Variants in ADGRV1 observed in about 807,000 individuals in gnomAD.
ADGRV1 encodes the protein G-protein coupled receptor 98.
A neutral mutation model predicts 596.2 loss-of-function variants in ADGRV1; 359 were observed. The observed-to-expected ratio is 0.60, with a 90% CI of 0.55 to 0.66. The LOEUF is 0.66. ADGRV1 is among the 30% of genes least tolerant of loss of function. ADGRV1 has a pLI of 0.00. For missense variants in ADGRV1, 7,274 were observed against 7,575.6 expected (o/e 0.96, Z 1.48); for synonymous variants, 2,681 against 2,679.2 (o/e 1.00, Z -0.02).
At chr5:90,809,040 G>A (rs1004467894) in intron 73 of ADGRV1, among the ~76,000 whole-genome samples, 7 of 148,846 alleles carry the variant, frequency 4.7e-5, no homozygotes, top group African/African-American at 1.7e-4. Context: ...TCCGCCTCCC[G>A]GGTTCACGCC....
intron 88 of ADGRV1, among the ~76,000 whole-genome samples, chr5:91,150,901 G>A (rs1409746848): frequency 1.3e-5 from 2 of 152,140 alleles, no homozygotes; most frequent in Non-Finnish European, 1.5e-5. Flanking sequence ...CCTAGCAGTG[G>A]GGCCACTGCT....
chr5:91,104,863 T>TTA (rs1430867337), intron 87 of ADGRV1, among the ~76,000 whole-genome samples: 29 of 145,904 alleles, frequency 2.0e-4, no homozygotes, highest in Non-Finnish European at 2.1e-4. Flanking sequence ...TTCTTTTCTT[T>TTA]TTTTTTTTTT....
chr5:90,984,103 A>G (rs1010760041), intron 84 of ADGRV1, among the ~76,000 whole-genome samples: 3 of 152,220 alleles, frequency 2.0e-5, no homozygotes, highest in Non-Finnish European at 4.4e-5. Context: ...TTTAATCTTT[A>G]TAATAACCTT....
At chr5:90,770,860 A>T (rs2150048957) in intron 59 of ADGRV1, among the ~76,000 whole-genome samples, 1 of 152,270 alleles carries the variant, frequency 6.6e-6, no homozygotes, top group East Asian at 1.9e-4. Context: ...TTTTATGCGT[A>T]TCCAAACATA....
In ADGRV1 at chr5:90,694,159, C is replaced by A; in HGVS notation, c.7403C>A (p.Ser2468Ter). ...SEGPQCFWMT[S>*]WISPAVNNSD... ...GGTCCCCAGTGTTTCTGGATGACAT[C>A]ATGGATCAGCCCAGCTGTCAACAAT... Residue 2468 changes from serine to a stop codon, truncating the protein, a stop_gained, in exon 33 of 90, where the codon TCA becomes TAA. Coordinates refer to ENST00000405460, the MANE Select transcript of ADGRV1 (RefSeq NM_032119.4). LOFTEE classifies it high-confidence loss of function. 2 of 1,613,804 alleles carry A rather than the reference C, an allele frequency of 1.2e-6. No individual in the cohort carries two copies. Among genetic ancestry groups the A allele is most frequent in the Non-Finnish European group, 1.7e-6 (2 of 1,179,828 alleles).
Position 90,791,280 on chromosome 5 carries a change from A to C in ADGRV1, c.14451A>C (p.Ala4817=), listed in dbSNP as rs771124836. The change falls in exon 70 of 90, where the codon GCA becomes GCC. Residue 4817 remains alanine (A), a synonymous_variant. Coordinates refer to ENST00000405460, the MANE Select transcript of ADGRV1 (RefSeq NM_032119.4). ...HKEQPIVTEN[A]ERQLVVKDGA... is the part of the protein sequence containing the mutation. ...AACAGCCGATTGTTACCGAAAATGC[A>C]GAGAGGCAGCTGGTGGTCAAAGATG... The C allele has an allele frequency of 1.2e-6, 2 of 1,605,556 alleles. No individual in the cohort carries two copies. The highest frequency in any genetic ancestry group is 1.7e-6 in the Non-Finnish European group (2 of 1,175,700).
intron 33 of ADGRV1, among the ~76,000 whole-genome samples, chr5:90,696,606 C>A (rs532818493): frequency 7.2e-5 from 11 of 152,226 alleles, no homozygotes; most frequent in Non-Finnish European, 1.5e-5. Context: ...ATCTTTGGAG[C>A]TCTTTTCCTA....
chr5:90,694,380 C>T lies in ADGRV1; in HGVS notation c.7624C>T (p.Leu2542Phe), dbSNP rs199869109. 1.2e-6 allele frequency: 2 copies of T among 1,614,000 alleles called. No homozygotes were observed. The highest frequency in any genetic ancestry group is 1.3e-5 in the African/African-American group (1 of 75,050). Reference sequence around the variant, plus strand: ...GATGGATGAGAGTTTTCTAATTTCTCTCCTTGAAGTTCACCTCATGAACAT... The same window carrying T: ...GATGGATGAGAGTTTTCTAATTTCTTTCCTTGAAGTTCACCTCATGAACAT... Reference protein sequence around the residue: ...PEMDESFLISLLEVHLMNISA... With the variant: ...PEMDESFLISFLEVHLMNISA... The change falls in exon 33 of 90, where the codon CTC becomes TTC. Residue 2542 changes from leucine to phenylalanine, a missense_variant. Physicochemically the swap from Leu to Phe is conservative, Grantham distance 22. This residue lies in a region of ADGRV1 where 3,643 missense variants were observed against 3,809.2 expected (regional missense o/e 0.96). Coordinates refer to ENST00000405460, the MANE Select transcript of ADGRV1 (RefSeq NM_032119.4).
At chr5:91,027,170 C>CAA (rs1448622239) in intron 85 of ADGRV1, among the ~76,000 whole-genome samples, 2 of 151,194 alleles carry the variant, frequency 1.3e-5, no homozygotes, top group Admixed American at 1.3e-4. Flanking sequence ...CACACACACA[C>CAA]ACACACACAC....
At chr5:90,871,623 C>G (rs1322135278) in intron 83 of ADGRV1, among the ~76,000 whole-genome samples, 1 of 152,128 alleles carries the variant, frequency 6.6e-6, no homozygotes, top group East Asian at 1.9e-4. Flanking sequence ...CAGACTTTAC[C>G]AAAAAATACC....
At chr5:90,785,384 C>G (rs1441089773) in intron 67 of ADGRV1, among the ~76,000 whole-genome samples, 1 of 152,158 alleles carries the variant, frequency 6.6e-6, no homozygotes, top group Non-Finnish European at 1.5e-5. Context: ...GCAATGGCAA[C>G]AAAAGCCAAA....
intron 1 of ADGRV1, among the ~76,000 whole-genome samples, chr5:90,609,509 G>A (rs985434419): frequency 4.8e-5 from 7 of 144,970 alleles, no homozygotes; most frequent in Admixed American, 4.1e-4. Flanking sequence ...TTGGGAGAGG[G>A]CAAAGATCAT....
chr5:91,077,783 AAGC>A (rs929222401), intron 86 of ADGRV1, among the ~76,000 whole-genome samples: 1 of 152,258 alleles, frequency 6.6e-6, no homozygotes, highest in Admixed American at 6.5e-5. Flanking sequence ...TCAATATCTC[AAGC>A]AGCATTTTAA....
intron 73 of ADGRV1, among the ~76,000 whole-genome samples, chr5:90,808,457 A>G (rs546354160): frequency 6.6e-6 from 1 of 152,336 alleles, no homozygotes; most frequent in South Asian, 2.1e-4. Context: ...GTTTGTGTAC[A>G]TGTTTATGTG....
chr5:90,985,910 A>T (rs1393162899), intron 85 of ADGRV1, among the ~76,000 whole-genome samples: 1 of 152,062 alleles, frequency 6.6e-6, no homozygotes, highest in African/African-American at 2.4e-5. Flanking sequence ...GATGGCAGCC[A>T]CCATCACCCA....
intron 84 of ADGRV1, among the ~76,000 whole-genome samples, chr5:90,968,459 T>C (rs961377593): frequency 6.6e-6 from 1 of 152,248 alleles, no homozygotes. Flanking sequence ...TTGTGCCTGA[T>C]TCACATTTAG....
chr5:90,753,719 T>C lies in ADGRV1; in HGVS notation c.11267T>C (p.Ile3756Thr), dbSNP rs1305074821. The part of the protein sequence containing the change: ...GVEDSYKGAT[I>T]DQDRSKSVIT... ...GAGGACTCATACAAAGGTGCTACTA[T>C]TGATCAGGACAGAAGCAAGTCTGTT... The change falls in exon 54 of 90, where the codon ATT becomes ACT. Residue 3756 changes from isoleucine to threonine, a missense_variant. Ile to Thr is a moderately conservative substitution (Grantham distance 89, BLOSUM62 -1). Coordinates refer to ENST00000405460, the MANE Select transcript of ADGRV1 (RefSeq NM_032119.4). The C allele has an allele frequency of 2.5e-6, 4 of 1,613,524 alleles. No individual in the cohort carries two copies. The African/African-American group carries it at 5.3e-5, about 22-fold the overall frequency.
At chr5:90,897,496 C>T (rs1032681302) in intron 83 of ADGRV1, among the ~76,000 whole-genome samples, 1 of 151,990 alleles carries the variant, frequency 6.6e-6, no homozygotes, top group Admixed American at 6.6e-5. Flanking sequence ...ATAAGGGGTC[C>T]TTGAAGTACT....
intron 75 of ADGRV1, among the ~76,000 whole-genome samples, chr5:90,821,701 G>A (rs1763528811): frequency 6.6e-6 from 1 of 151,682 alleles, no homozygotes; most frequent in African/African-American, 2.4e-5. Flanking sequence ...TGCCCCTGCT[G>A]GGGGGTGCCT....
Sources: gnomAD v4.1 joint callset for allele counts (sites outside exome capture counted in the v4.1 genomes callset) on GRCh38, gnomAD v4.1.1 for gene constraint, gnomAD v4.1.1 regional missense constraint, MANE v1.5 for transcripts, NCBI Gene and HGNC (gene_info 2026-07-23, HGNC 2026-07-21) for gene names.